XPO4: variants seen among roughly 807,000 people sequenced by gnomAD.
XPO4 encodes the protein exportin-4.
Under a neutral mutation model 143.0 loss-of-function variants are expected in XPO4, and 39 were observed. That is an observed-to-expected ratio of 0.27 (90% CI 0.21 to 0.36). The LOEUF (loss-of-function observed/expected upper bound fraction) is 0.36, where lower values mean the gene tolerates loss of function less well. Among genes scored for constraint, XPO4 ranks in the 10% least tolerant of loss-of-function variants. The probability of loss-of-function intolerance (pLI) is 1.00; values close to 1 mark genes in which losing one functional copy is unlikely to be tolerated. For synonymous variants in XPO4, 439 were observed against 474.0 expected, an observed-to-expected ratio of 0.93 and a Z score of 0.96; for missense variants, 907 against 1,348.0, an observed-to-expected ratio of 0.67 and a Z score of 5.12.
chr13:20,885,541 T>C (rs1034766671), intron 1 of XPO4, among the ~76,000 whole-genome samples: 4 of 151,896 alleles, frequency 2.6e-5, no homozygotes, highest in South Asian at 4.1e-4. Context: ...ATGCTCTACA[T>C]AAAAAACTAA....
chr13:20,806,883 A>G lies in XPO4; in HGVS notation c.1817+574T>C, dbSNP rs2059514551. On this transcript the variant is annotated intron_variant, in intron 13 of 22. Transcript: ENST00000255305. ...TTTTAATACAGGCTTATCCCTCCTT[A>G]ATTTCACCATTAAGAATTAACGAAA... Among the ~76,000 whole-genome samples, 7 of 152,104 alleles carry G rather than the reference A, an allele frequency of 4.6e-5. No individual in the cohort carries two copies. In the South Asian group the frequency reaches 1.5e-3, roughly 32 times the overall value.
At chr13:20,878,419 AAAG>A (rs71090509) in intron 1 of XPO4, among the ~76,000 whole-genome samples, 5,928 of 152,232 alleles carry the variant, frequency 0.039, 265 homozygotes, top group African/African-American at 0.1. Flanking sequence ...ATAGAAAAAA[AAAG>A]AAGAAGTAAC....
intron 8 of XPO4, 122 bp from the exon 9 acceptor site, chr13:20,822,000 T>G: frequency 7.3e-7 from 1 of 1,371,650 alleles, no homozygotes; most frequent in Non-Finnish European, 9.8e-7. Context: ...CTCTGTTTAT[T>G]AATTTCAAAT....
intron 20 of XPO4, among the ~76,000 whole-genome samples, chr13:20,788,057 GT>G (rs5802086): frequency 0.31 from 42,880 of 136,900 alleles, 7,739 homozygotes; most frequent in East Asian, 0.78. Flanking sequence ...TTGTTTTTTT[GT>G]TTTTTTTTTT....
intron 20 of XPO4, among the ~76,000 whole-genome samples, chr13:20,787,954 C>T (rs1037579191): frequency 1.3e-5 from 2 of 152,050 alleles, no homozygotes; most frequent in Non-Finnish European, 2.9e-5. Context: ...GAACCAGGGA[C>T]TGAATGCCTC....
At chr13:20,816,846 T>C (rs1280633823) in intron 9 of XPO4, among the ~76,000 whole-genome samples, 1 of 152,266 alleles carries the variant, frequency 6.6e-6, no homozygotes, top group East Asian at 1.9e-4. Context: ...GGTAAAATAG[T>C]AACTAGTTTT....
In XPO4 at chr13:20,848,311, T is replaced by C. The variant is rs1305112330; in HGVS notation, c.457-4425A>G. 3.0e-6 allele frequency: 3 copies of C among 985,322 alleles called. No individual in the cohort carries two copies. In the African/African-American group the frequency reaches 5.2e-5, roughly 17 times the overall value. 61.0% of individuals were successfully genotyped at this position (985,322 alleles called of 1,614,324 possible). The stretch of plus-strand genomic sequence containing the variant: ...CAAGAATCCTGTTGTTTGAATCAGT[T>C]AGAAAATCTGGGCTCTAACAGTCCA... On this transcript the variant is annotated intron_variant, in intron 4 of 22. Transcript: ENST00000255305.
chr13:20,897,034 A>C (rs918826317), intron 1 of XPO4, among the ~76,000 whole-genome samples: 9 of 152,234 alleles, frequency 5.9e-5, no homozygotes, highest in African/African-American at 1.9e-4. Context: ...AATTGAACTG[A>C]ATTTGAAACA....
chr13:20,900,775 C>T, intron 1 of XPO4, among the ~76,000 whole-genome samples: 1 of 146,940 alleles, frequency 6.8e-6, no homozygotes, highest in Non-Finnish European at 1.5e-5. Context: ...TCACGCCCGG[C>T]TAATTTTTAT....
chr13:20,812,187 A>G (rs1438596606), intron 9 of XPO4, among the ~76,000 whole-genome samples: 1 of 152,138 alleles, frequency 6.6e-6, no homozygotes, highest in Admixed American at 6.5e-5. Flanking sequence ...CCTGGCCAAC[A>G]TGACAAAACC....
intron 9 of XPO4, among the ~76,000 whole-genome samples, chr13:20,818,042 A>G (rs758731993): frequency 2.0e-5 from 3 of 152,074 alleles, no homozygotes; most frequent in Non-Finnish European, 2.9e-5. Flanking sequence ...TGATCTGCCT[A>G]CCTCAGCTTC....
rs1444894386 is a variant in XPO4 at position 20,808,468 on chromosome 13, T to C, written c.1607A>G (p.Tyr536Cys). The change falls in exon 12 of 23, where the codon TAT (tyrosine) becomes TGT (cysteine). Residue 536 changes from tyrosine (Y) to cysteine (C), a missense_variant. Physicochemically the swap from Tyr to Cys is radical, Grantham distance 194. Coordinates refer to ENST00000255305, the MANE Select transcript of XPO4 (RefSeq NM_022459.5). ...TVDNKMLDDLYEDIHWLILVT... is the reference protein window; with the variant it reads ...TVDNKMLDDLCEDIHWLILVT... ...TAAAATAAGCCAGTGAATATCTTCA[T>C]AGAGATCATCAAGCATTTTGTTGTC... is the stretch of plus-strand genomic sequence containing the variant. 1 of 1,570,030 alleles carries C rather than the reference T, an allele frequency of 6.4e-7. No homozygotes were observed.
chr13:20,863,144 A>T, intron 2 of XPO4: 4 of 1,038,410 alleles, frequency 3.9e-6, no homozygotes, highest in Non-Finnish European at 4.7e-6. Context: ...ACACAGCTTT[A>T]AAAAAAATAA....
chr13:20,851,292 T>A (rs546133295), intron 4 of XPO4: 241 of 985,412 alleles, frequency 2.4e-4, no homozygotes, highest in African/African-American at 1.1e-3. Context: ...GAGAATATTT[T>A]TCACATTTAA....
chr13:20,826,084 C>T (rs1677394391), intron 7 of XPO4, among the ~76,000 whole-genome samples: 1 of 152,134 alleles, frequency 6.6e-6, no homozygotes, highest in African/African-American at 2.4e-5. Flanking sequence ...GGGCTTCTGT[C>T]CACGTCATTA....
At chr13:20,895,346 T>C (rs943020352) in intron 1 of XPO4, among the ~76,000 whole-genome samples, 1 of 152,086 alleles carries the variant, frequency 6.6e-6, no homozygotes, top group Admixed American at 6.6e-5. Context: ...AGAAGTTTAG[T>C]ATAGGCCAGG....
intron 1 of XPO4, among the ~76,000 whole-genome samples, chr13:20,876,093 C>CAAAAAAAAAAAAAAAA (rs11301411): frequency 1.1e-5 from 1 of 90,720 alleles, no homozygotes; most frequent in Non-Finnish European, 2.2e-5. Flanking sequence ...CTACTAAATA[C>CAAAAAAAAAAAAAAAA]AAAAAAAAAA....
At chr13:20,836,633 T>C (rs1195250784) in intron 6 of XPO4, among the ~76,000 whole-genome samples, 1 of 152,228 alleles carries the variant, frequency 6.6e-6, no homozygotes, top group Non-Finnish European at 1.5e-5. Flanking sequence ...AGTGGGTTTC[T>C]ACACCGTGAC....
In XPO4 at chr13:20,902,340, C is replaced by T. The variant is rs866329500; in HGVS notation, c.69+330G>A. 1.7e-4 allele frequency: 165 copies of T among 985,414 alleles called. No homozygotes were observed. In the Middle Eastern group the frequency reaches 6.3e-3, roughly 37 times the overall value. The allele number at this position is 985,414 out of a possible 1,614,324, so 61.0% of individuals were successfully genotyped here. ...CCTACCGAAGCCCTGCGGGGATAAC[C>T]CCAACTCCTTCCCGGCGCCTTGCTC... On this transcript the variant is annotated intron_variant, in intron 1 of 22. Transcript: ENST00000255305.
Sources: allele counts gnomAD v4.1 joint callset (sites outside exome capture counted in the v4.1 genomes callset), GRCh38; gene constraint gnomAD v4.1.1; transcripts MANE v1.5; gene names NCBI Gene and HGNC (gene_info 2026-07-23, HGNC 2026-07-21).